LMTK3: variants seen among roughly 807,000 people sequenced by gnomAD.
LMTK3 encodes the protein serine/threonine-protein kinase LMTK3.
A neutral mutation model predicts 116.7 loss-of-function variants in LMTK3; 27 were observed. That is an observed-to-expected ratio of 0.23 (90% CI 0.17 to 0.32). LMTK3 has a LOEUF of 0.32. Ranked by LOEUF, LMTK3 falls within the 10% of genes least tolerant of loss-of-function variation. The pLI is 1.00. For missense variants in LMTK3, 1,764 were observed against 2,068.5 expected (o/e 0.85, Z 2.86); for synonymous variants, 965 against 971.0 (o/e 0.99, Z 0.11).
intron 14 of LMTK3, 137 bp from the exon 15 acceptor site, chr19:48,485,926 C>T (rs1601036324): frequency 2.4e-6 from 2 of 843,092 alleles, no homozygotes; most frequent in East Asian, 2.9e-5. Flanking sequence ...TCTGTCCTCA[C>T]CTACCCCTCT....
chr19:48,511,316 C>G (rs984501013), intron 1 of LMTK3, among the ~76,000 whole-genome samples, 185 bp downstream of exon 1: 1 of 152,182 alleles, frequency 6.6e-6, no homozygotes, highest in Non-Finnish European at 1.5e-5. Flanking sequence ...CCCACCCAGC[C>G]CCCAGCCTCC....
At chr19:48,501,221 G>A in intron 9 of LMTK3, 62 bp downstream of exon 9, 1 of 1,607,106 alleles carries the variant, frequency 6.2e-7, no homozygotes, top group African/African-American at 1.3e-5. Context: ...TAGAACCGGT[G>A]GCATCTAGTA....
rs114612033 is a variant in LMTK3 at position 48,487,942 on chromosome 19, C to T, written c.4367-2153G>A. Among the ~76,000 whole-genome samples the T allele has an allele frequency of 3.7e-4, 57 of 152,298 alleles. 1 individual carries two copies. Among genetic ancestry groups the T allele is most frequent in the African/African-American group, 1.1e-3 (47 of 41,552 alleles). ...AATGTTTGCTAAGTGGACAGAGCCA[C>T]ATTGAGCAGGGCAGAGGAGAGGACC... On this transcript the variant is annotated intron_variant, in intron 14 of 14. Transcript: ENST00000600059.
chr19:48,506,098 C>A (rs1040091545), intron 5 of LMTK3, among the ~76,000 whole-genome samples: 1 of 148,704 alleles, frequency 6.7e-6, no homozygotes, highest in African/African-American at 2.5e-5. Flanking sequence ...GTTGAGATTG[C>A]GCCACTGCAC....
In LMTK3 at chr19:48,485,283, G is replaced by A. The variant is rs1270776122; in HGVS notation, c.*490C>T. On this transcript the variant is annotated 3_prime_UTR_variant, in exon 15 of 15. Coordinates refer to ENST00000600059, the MANE Select transcript of LMTK3 (RefSeq NM_001388485.1). ...CACAGGCCCCGTGTTCCTCCAAAAAGTTGTTTTTGTCTTTTTTAAATAATG... is the reference window on the plus strand; with the variant it reads ...CACAGGCCCCGTGTTCCTCCAAAAAATTGTTTTTGTCTTTTTTAAATAATG... 2 of 156,850 alleles carry A rather than the reference G, an allele frequency of 1.3e-5. No homozygotes were observed. Among genetic ancestry groups the A allele is most frequent in the African/African-American group, 2.4e-5 (1 of 41,470 alleles). The allele number at this position is 156,850 out of a possible 1,614,324, so 9.7% of individuals were successfully genotyped here.
chr19:48,493,672 C>G (rs1317504376), intron 12 of LMTK3, 22 bp downstream of exon 12: 4 of 1,552,104 alleles, frequency 2.6e-6, no homozygotes, highest in Admixed American at 3.9e-5. Flanking sequence ...ACCCCGAAAC[C>G]GCGCCCTCTC....
In LMTK3 at chr19:48,500,914, G is replaced by T; in HGVS notation, c.1151+82C>A. ...TATGGAGGGCAAACGGGATGTGGGT[G>T]ATGTGGGAAACGAGGGGGGATGCTG... On this transcript the variant is annotated intron_variant, in intron 10 of 14. Transcript: ENST00000600059. The surrounding 1 kb of genome is among the most constrained non-coding windows in gnomAD (Gnocchi z 4.0). 7.4e-7 allele frequency: 1 copy of T among 1,352,690 alleles called. No individual in the cohort carries two copies. The highest frequency in any genetic ancestry group is 9.9e-7 in the Non-Finnish European group (1 of 1,015,176). 83.8% of individuals were successfully genotyped at this position (1,352,690 alleles called of 1,614,324 possible).
In LMTK3 at chr19:48,507,405, CG is replaced by C. The variant is rs1601057412; in HGVS notation, c.557+1445del. Among the ~76,000 whole-genome samples the C allele has an allele frequency of 2.6e-5, 4 of 152,252 alleles. No homozygotes were observed. The East Asian group carries it at 7.7e-4, about 29-fold the overall frequency. On this transcript the variant is annotated intron_variant, in intron 5 of 14. Transcript: ENST00000600059. The stretch of plus-strand genomic sequence containing the variant: ...ACTGAGAGCCAGCAGCACTTGTGCT[CG>C]GGTAACGAGACAGACCCTGAGCTGC...
At position 48,499,788 on chromosome 19, in the gene LMTK3, T is replaced by C. The variant is rs2147547295; in HGVS notation, c.1281A>G (p.Arg427=). ...GCCAGGGCCAGGGGAAGGGACCGTC[T>C]CGGGGTGGGGGTGGCGGCGGTGGGG... is the stretch of plus-strand genomic sequence containing the variant. ...PRPPPPPPPP[R]DGPFPWPWPP... Residue 427 remains arginine (R), a synonymous_variant, in exon 11 of 15, where the codon CGA becomes CGG. Transcript: ENST00000600059. The C allele has an allele frequency of 9.4e-7, 1 of 1,066,178 alleles. No individual in the cohort carries two copies. The allele number at this position is 1,066,178 out of a possible 1,614,324, so 66.0% of individuals were successfully genotyped here.
At chr19:48,503,197 G>A (rs141560798) in intron 5 of LMTK3, among the ~76,000 whole-genome samples, 4,062 of 152,274 alleles carry the variant, frequency 0.027, 190 homozygotes, top group African/African-American at 0.092. Context: ...ACAGGCATGC[G>A]CCACCACGCC....
At chr19:48,490,967 G>T (rs897543762) in intron 14 of LMTK3, 141 bp downstream of exon 14, 1 of 532,414 alleles carries the variant, frequency 1.9e-6, no homozygotes, top group African/African-American at 2.0e-5. Context: ...GCTGGGTGGG[G>T]TGTCTGTTGA....
chr19:48,509,339 G>A (rs1247603521), intron 4 of LMTK3, 98 bp downstream of exon 4: 1 of 1,141,878 alleles, frequency 8.8e-7, no homozygotes. Context: ...GAGGAGGCGA[G>A]GGACAGATGA....
Position 48,497,342 on chromosome 19 carries a change from C to G in LMTK3, c.3676+51G>C. The G allele has an allele frequency of 7.1e-7, 1 of 1,414,406 alleles. No homozygotes were observed. Among genetic ancestry groups the G allele is most frequent in the South Asian group, 1.7e-5 (1 of 60,346 alleles). 87.6% of individuals were successfully genotyped at this position (1,414,406 alleles called of 1,614,324 possible). On this transcript the variant is annotated intron_variant, in intron 11 of 14. Transcript: ENST00000600059. The surrounding 1 kb of genome is among the most constrained non-coding windows in gnomAD (Gnocchi z 5.7). The stretch of plus-strand genomic sequence containing the variant: ...TTTACCCACACTCACCCTCCGCACG[C>G]CTCGGAAACAGCCGGACCTCAGCCC...
In LMTK3 at chr19:48,491,395, C is replaced by T. The variant is rs1346648078; in HGVS notation, c.4228+9G>A. 2.2e-5 allele frequency: 31 copies of T among 1,401,374 alleles called. No individual in the cohort carries two copies. The highest frequency in any genetic ancestry group is 7.9e-5 in the South Asian group (5 of 63,498). The allele number at this position is 1,401,374 out of a possible 1,614,324, so 86.8% of individuals were successfully genotyped here. On this transcript the variant is annotated intron_variant, in intron 13 of 14. Coordinates refer to ENST00000600059, the MANE Select transcript of LMTK3 (RefSeq NM_001388485.1). This position sits in a 1 kb window ranked among gnomAD's most constrained non-coding sequence, Gnocchi z 5.1. The stretch of plus-strand genomic sequence containing the variant: ...CCGCCCCCTCCCGCCCCATAGGGCC[C>T]GTCCTCACCAAAGCCGCTGTCGTTG...
In LMTK3 at chr19:48,499,555, G is replaced by A; in HGVS notation, c.1514C>T (p.Ala505Val). 6.6e-7 allele frequency: 1 copy of A among 1,512,780 alleles called. No individual in the cohort carries two copies. The highest frequency in any genetic ancestry group is 8.8e-7 in the Non-Finnish European group (1 of 1,131,934). 93.7% of individuals were successfully genotyped at this position (1,512,780 alleles called of 1,614,324 possible). ...PAWQPASAPP[A>V]PHANPSNPFY... The stretch of plus-strand genomic sequence containing the variant: ...AGGGTTGGAGGGGTTGGCGTGGGGG[G>A]CCGGGGGGGCCGACGCCGGCTGCCA... The change falls in exon 11 of 15, where the codon GCC (alanine) becomes GTC (valine). Residue 505 changes from alanine to valine, a missense_variant. Around this residue, in one of 7 missense-constraint regions of LMTK3, gnomAD observed 1,028 missense variants for 1,050.6 expected, o/e 0.98. Transcript: ENST00000600059.
intron 5 of LMTK3, among the ~76,000 whole-genome samples, chr19:48,504,115 G>T (rs1313434088): frequency 2.0e-5 from 3 of 151,968 alleles, no homozygotes; most frequent in Non-Finnish European, 2.9e-5. Flanking sequence ...TGATACGCCC[G>T]CCTCAGCCTC....
At chr19:48,492,245 G>C (rs766258548) in intron 12 of LMTK3, among the ~76,000 whole-genome samples, 12 of 152,206 alleles carry the variant, frequency 7.9e-5, no homozygotes, top group Non-Finnish European at 1.6e-4. Flanking sequence ...CTGGAGAGCA[G>C]TGTTGTGATC....
At chr19:48,487,178 A>G (rs557711121) in intron 14 of LMTK3, among the ~76,000 whole-genome samples, 23 of 151,892 alleles carry the variant, frequency 1.5e-4, no homozygotes, top group Admixed American at 3.9e-4. Flanking sequence ...GAGATTACAG[A>G]GGTGTGCCAC....
At chr19:48,492,915 T>A (rs1972251003) in intron 12 of LMTK3, among the ~76,000 whole-genome samples, 1 of 148,750 alleles carries the variant, frequency 6.7e-6, no homozygotes, top group Non-Finnish European at 1.5e-5. Flanking sequence ...CGGCCCATAC[T>A]CCTGGCCCTG....
Sources: gnomAD v4.1 joint callset for allele counts (sites outside exome capture counted in the v4.1 genomes callset) on GRCh38, gnomAD v4.1.1 for gene constraint, gnomAD v4.1.1 regional missense constraint, Gnocchi (gnomAD v3.1) non-coding constraint, MANE v1.5 for transcripts, NCBI Gene and HGNC (gene_info 2026-07-23, HGNC 2026-07-21) for gene names.